Variants in RUNDC3B observed in about 807,000 individuals in gnomAD.
RUNDC3B encodes the protein RUN domain-containing protein 3B.
A neutral mutation model predicts 58.4 loss-of-function variants in RUNDC3B; 33 were observed. The ratio of observed to expected loss-of-function variants is 0.56; its 90% CI spans 0.43 to 0.75. The LOEUF (loss-of-function observed/expected upper bound fraction) is 0.75, where lower values mean the gene tolerates loss of function less well. RUNDC3B is among the 30% of genes least tolerant of loss of function. The probability of loss-of-function intolerance (pLI) is 0.00; values close to 1 mark genes in which losing one functional copy is unlikely to be tolerated. For synonymous variants in RUNDC3B, 193 were observed against 195.2 expected (o/e 0.99, Z 0.10); for missense variants, 501 against 535.7 (o/e 0.94, Z 0.64).
chr7:87,810,719 A>G (rs1294382443), intron 9 of RUNDC3B, among the ~76,000 whole-genome samples: 3 of 152,198 alleles, frequency 2.0e-5, no homozygotes, highest in Non-Finnish European at 4.4e-5. Context: ...TCGTTTATTT[A>G]TCGATCACTT....
Position 87,796,311 on chromosome 7 carries a change from A to G in RUNDC3B, c.957-11062A>G, listed in dbSNP as rs187599640. ...GGAAGATGTTTATCAGAGCCTGGGA[A>G]GAGTAGTGAGGGGGGTTGGGGATGG... On this transcript the variant is annotated intron_variant, in intron 8 of 10. Coordinates refer to ENST00000394654, the MANE Select transcript of RUNDC3B (RefSeq NM_001134405.2). Among the ~76,000 whole-genome samples the G allele has an allele frequency of 2.0e-5, 3 of 152,254 alleles. No individual in the cohort carries two copies. The East Asian group carries it at 5.8e-4, about 29-fold the overall frequency.
intron 2 of RUNDC3B, among the ~76,000 whole-genome samples, chr7:87,685,152 G>A (rs1827332778): frequency 1.3e-5 from 2 of 152,028 alleles, no homozygotes; most frequent in Admixed American, 6.6e-5. Flanking sequence ...ATAAGACAAG[G>A]CATAGACCAG....
chr7:87,684,453 G>C (rs1264148170), intron 2 of RUNDC3B, among the ~76,000 whole-genome samples: 1 of 152,136 alleles, frequency 6.6e-6, no homozygotes, highest in Admixed American at 6.5e-5. Flanking sequence ...AGTAATCAGT[G>C]TGTTATTGGT....
intron 2 of RUNDC3B, among the ~76,000 whole-genome samples, chr7:87,658,315 T>C (rs1240651167): frequency 6.6e-6 from 1 of 152,074 alleles, no homozygotes; most frequent in African/African-American, 2.4e-5. Flanking sequence ...ACCAGTGAAC[T>C]GAAAGACAAA....
At chr7:87,643,675 C>T (rs1398233930) in intron 1 of RUNDC3B, among the ~76,000 whole-genome samples, 1 of 151,320 alleles carries the variant, frequency 6.6e-6, no homozygotes, top group East Asian at 1.9e-4. Flanking sequence ...TGCATGCCGC[C>T]ATGCTCAGCT....
intron 6 of RUNDC3B, among the ~76,000 whole-genome samples, chr7:87,745,023 A>G (rs1278734536): frequency 2.6e-5 from 4 of 152,048 alleles, no homozygotes; most frequent in Non-Finnish European, 4.4e-5. Context: ...TTTAATCATA[A>G]AGGGATGTGC....
At position 87,703,913 on chromosome 7, in the gene RUNDC3B, G is replaced by GT. The variant is rs1829340053; in HGVS notation, c.372+3359_372+3360insT. Reference sequence around the variant, plus strand: ...TTTTTTTTTTTTTTTTTTTTTTTTTGGTTTTTTTTTTTTTTTTTTTTTTTT... The same window carrying GT: ...TTTTTTTTTTTTTTTTTTTTTTTTTGTGTTTTTTTTTTTTTTTTTTTTTTTT... On this transcript the variant is annotated intron_variant, in intron 3 of 10. Transcript: ENST00000394654. Among the ~76,000 whole-genome samples, 50 of 31,280 alleles carry GT rather than the reference G, an allele frequency of 1.6e-3. 1 individual carries two copies. Among genetic ancestry groups the GT allele is most frequent in the African/African-American group, 2.7e-3 (21 of 7,772 alleles). The allele number at this position is 31,280 out of a possible 152,430, so 20.5% of individuals were successfully genotyped here. A position where few individuals can be genotyped will look rare whatever the true frequency, so the allele number is the denominator to read the frequency against.
At chr7:87,773,094 C>A (rs964951060) in intron 7 of RUNDC3B, among the ~76,000 whole-genome samples, 2 of 151,890 alleles carry the variant, frequency 1.3e-5, no homozygotes, top group Non-Finnish European at 2.9e-5. Context: ...GAGGCCGAGG[C>A]GGGCGGATCA....
chr7:87,709,303 G>A, intron 3 of RUNDC3B: 1 of 985,208 alleles, frequency 1.0e-6, no homozygotes, highest in Non-Finnish European at 1.2e-6. Flanking sequence ...TGAAATTGTA[G>A]CCTTTTGATT....
chr7:87,660,437 A>G (rs1169599784), intron 2 of RUNDC3B, among the ~76,000 whole-genome samples: 1 of 152,138 alleles, frequency 6.6e-6, no homozygotes, highest in East Asian at 1.9e-4. Context: ...AAAGTAGATT[A>G]ATTCAGCTGA....
Position 87,814,825 on chromosome 7 carries a change from CTG to C in RUNDC3B, c.1104-1314_1104-1313del, listed in dbSNP as rs550536494. The stretch of plus-strand genomic sequence containing the variant: ...GTCATCAAATTATAAAGTGAGAACA[CTG>C]TATTATAAGCTGGTAAAGTGATTCT... On this transcript the variant is annotated intron_variant, in intron 9 of 10. Transcript: ENST00000394654. 1.4e-4 allele frequency among the ~76,000 whole-genome samples: 22 copies of C among 152,192 alleles called. No individual in the cohort carries two copies. In the South Asian group the frequency reaches 3.3e-3, roughly 23 times the overall value.
chr7:87,819,222 T>C (rs1013826108), intron 10 of RUNDC3B, among the ~76,000 whole-genome samples: 2 of 152,088 alleles, frequency 1.3e-5, no homozygotes, highest in African/African-American at 4.8e-5. Flanking sequence ...TAGAGGGTAA[T>C]TGACATTGTG....
chr7:87,705,256 C>A (rs1279313205), intron 3 of RUNDC3B, among the ~76,000 whole-genome samples: 1 of 152,112 alleles, frequency 6.6e-6, no homozygotes, highest in Non-Finnish European at 1.5e-5. Context: ...AAAACCCTGT[C>A]TCTACTTAAA....
At chr7:87,799,885 CAAAAAAA>C (rs763617668) in intron 8 of RUNDC3B, among the ~76,000 whole-genome samples, 1 of 59,318 alleles carries the variant, frequency 1.7e-5, no homozygotes, top group African/African-American at 5.8e-5. Context: ...GACTCCGTCT[CAAAAAAA>C]AAAAAAAAAA....
chr7:87,667,168 G>C (rs538517268), intron 2 of RUNDC3B, among the ~76,000 whole-genome samples: 1 of 152,138 alleles, frequency 6.6e-6, no homozygotes, highest in African/African-American at 2.4e-5. Context: ...TCTTTGAGCA[G>C]GGTTTTGTAA....
chr7:87,719,132 TA>T (rs964950710), intron 4 of RUNDC3B, among the ~76,000 whole-genome samples: 96 of 151,506 alleles, frequency 6.3e-4, no homozygotes, highest in Admixed American at 2.6e-3. Flanking sequence ...TAATAACACA[TA>T]AAATCAATAT....
intron 2 of RUNDC3B, among the ~76,000 whole-genome samples, chr7:87,675,596 A>T (rs960993935): frequency 6.6e-6 from 1 of 150,376 alleles, no homozygotes; most frequent in Non-Finnish European, 1.5e-5. Flanking sequence ...AGAGTACACA[A>T]TAGGGAAAGG....
At chr7:87,633,259 G>A (rs772185497) in intron 1 of RUNDC3B, among the ~76,000 whole-genome samples, 9 of 152,146 alleles carry the variant, frequency 5.9e-5, no homozygotes, top group East Asian at 1.9e-4. Context: ...TTATTTAAGC[G>A]CACAAGTTTA....
intron 2 of RUNDC3B, among the ~76,000 whole-genome samples, chr7:87,680,743 C>T (rs181254158): frequency 3.3e-5 from 5 of 149,734 alleles, no homozygotes; most frequent in Admixed American, 2.7e-4. Context: ...TGCAGTGAGC[C>T]AAGATCGCGC....
Sources: gnomAD v4.1 joint callset for allele counts (sites outside exome capture counted in the v4.1 genomes callset) on GRCh38, gnomAD v4.1.1 for gene constraint, MANE v1.5 for transcripts, NCBI Gene and HGNC (gene_info 2026-07-23, HGNC 2026-07-21) for gene names.